The following PSG4 variants were observed in gnomAD, a reference collection of about 807,000 sequenced individuals.
PSG4 encodes the protein pregnancy specific beta-1-glycoprotein 4.
In PSG4, 61 loss-of-function variants were observed where a neutral mutation model predicts 44.3. The observed-to-expected ratio is 1.38, with a 90% CI of 1.12 to 1.70. The LOEUF is 1.70. Ranked by LOEUF, PSG4 falls within the 40% of genes most tolerant of loss-of-function variation. PSG4 has a pLI of 0.00. For synonymous variants in PSG4, 248 were observed against 191.3 expected (o/e 1.30, Z -2.45); for missense variants, 677 against 511.7 (o/e 1.32, Z -3.12).
rs1217769262 is a variant in PSG4 at position 43,204,237 on chromosome 19, A to T, written c.79T>A (p.Phe27Ile). The change falls in exon 2 of 6, where the codon TTC becomes ATC. Residue 27 changes from phenylalanine (F) to isoleucine (I), a missense_variant. Transcript: ENST00000405312. Reference sequence around the variant, plus strand: ...TGGGCAGTTGTGGGCGGATTCCAGAAGTTTAAAAGTGATGCTAGGAGGTAC... The same window carrying T: ...TGGGCAGTTGTGGGCGGATTCCAGATGTTTAAAAGTGATGCTAGGAGGTAC... Reference protein sequence around the residue: ...GVLLTASLLNFWNPPTTAQVT... With the variant: ...GVLLTASLLNIWNPPTTAQVT... 5 of 1,577,088 alleles carry T rather than the reference A, an allele frequency of 3.2e-6. No homozygotes were observed. The South Asian group carries it at 5.7e-5, about 18-fold the overall frequency.
Position 43,205,247 on chromosome 19 carries a change from A to C in PSG4, c.64+226T>G, listed in dbSNP as rs1379034427. Among the ~76,000 whole-genome samples, 28 of 141,704 alleles carry C rather than the reference A, an allele frequency of 2.0e-4. 4 individuals are homozygous for C. The highest frequency in any genetic ancestry group is 1.5e-4 in the Non-Finnish European group (10 of 66,442). The allele number at this position is 141,704 out of a possible 152,430, so 93.0% of individuals were successfully genotyped here. A position where few individuals can be genotyped will look rare whatever the true frequency, so the allele number is the denominator to read the frequency against. On this transcript the variant is annotated intron_variant, in intron 1 of 5. Transcript: ENST00000405312. ...CACAGCCTCCTGAGTAGCTATGATT[A>C]CAGGAGCACACCACTATACCTGGTT...
intron 5 of PSG4, 127 bp from the exon 6 acceptor site, chr19:43,193,515 T>C: frequency 1.4e-6 from 1 of 700,722 alleles, no homozygotes; most frequent in Non-Finnish European, 2.6e-6. Flanking sequence ...CCAATGATAA[T>C]TTCAGTAGAA....
intron 2 of PSG4, among the ~76,000 whole-genome samples, chr19:43,199,591 A>G (rs1967414208): frequency 6.9e-6 from 1 of 145,320 alleles, no homozygotes; most frequent in Non-Finnish European, 1.5e-5. Context: ...CAGTGGTCAG[A>G]AGGGTTGAGT....
At chr19:43,201,986 C>T (rs1356750456) in intron 2 of PSG4, among the ~76,000 whole-genome samples, 2 of 144,416 alleles carry the variant, frequency 1.4e-5, no homozygotes, top group Non-Finnish European at 3.0e-5. Flanking sequence ...TCTTAGTGAC[C>T]TGGGGACATT....
intron 3 of PSG4, among the ~76,000 whole-genome samples, chr19:43,196,108 G>A (rs924394160): frequency 2.6e-5 from 4 of 151,710 alleles, no homozygotes; most frequent in Non-Finnish European, 4.4e-5. Context: ...ACTGACTGGT[G>A]GAAAGTGTGG....
At chr19:43,194,932 T>C in intron 4 of PSG4, 63 bp downstream of exon 4, 2 of 1,591,844 alleles carry the variant, frequency 1.3e-6, no homozygotes, top group Non-Finnish European at 1.7e-6. Flanking sequence ...CTGAGAGACC[T>C]GGCCTCTGGT....
At chr19:43,198,379 G>A in intron 2 of PSG4, 104 bp from the exon 3 acceptor site, 3 of 1,475,672 alleles carry the variant, frequency 2.0e-6, no homozygotes, top group Non-Finnish European at 1.8e-6. Flanking sequence ...GCCCACCCAA[G>A]TCCTTAAAAG....
rs1967365519 is a variant in PSG4 at position 43,198,623 on chromosome 19, A to T, written c.431-348T>A. The stretch of plus-strand genomic sequence containing the variant: ...CTTGTGGTCCTCACTTGGAGCATGC[A>T]GTGCTGGAATCTTCTTAGTTTCAGT... On this transcript the variant is annotated intron_variant, in intron 2 of 5. Coordinates refer to ENST00000405312, the MANE Select transcript of PSG4 (RefSeq NM_002780.5). 1.1e-5 allele frequency: 3 copies of T among 264,584 alleles called. No individual in the cohort carries two copies. The South Asian group carries it at 2.2e-4, about 20-fold the overall frequency. The allele number at this position is 264,584 out of a possible 1,614,324, so 16.4% of individuals were successfully genotyped here.
At chr19:43,199,693 C>T (rs1187340342) in intron 2 of PSG4, among the ~76,000 whole-genome samples, 4 of 144,820 alleles carry the variant, frequency 2.8e-5, no homozygotes, top group Non-Finnish European at 4.5e-5. Flanking sequence ...GAATTTAGAC[C>T]TCATGTTGTG....
chr19:43,197,078 T>C (rs567778411), intron 3 of PSG4, among the ~76,000 whole-genome samples: 1 of 146,232 alleles, frequency 6.8e-6, no homozygotes, highest in South Asian at 2.1e-4. Context: ...CTCCAAAATA[T>C]TTTATTCCTT....
At chr19:43,199,021 TC>T (rs2122330052) in intron 2 of PSG4, 1 of 146,312 alleles carries the variant, frequency 6.8e-6, no homozygotes, top group Non-Finnish European at 1.5e-5. Flanking sequence ...GATGCTCGCT[TC>T]CCCCTGTAGA....
chr19:43,198,852 C>T (rs1311404122), intron 2 of PSG4: 1 of 149,390 alleles, frequency 6.7e-6, no homozygotes, highest in Admixed American at 6.4e-5. Flanking sequence ...AGTGGAGCCA[C>T]AAGGTGGCGC....
At chr19:43,196,625 C>G (rs1176875791) in intron 3 of PSG4, 1 of 151,268 alleles carries the variant, frequency 6.6e-6, no homozygotes, top group African/African-American at 2.4e-5. Context: ...GATATTCTTG[C>G]CCTTTTTTTT....
chr19:43,200,758 G>A lies in PSG4; in HGVS notation c.431-2483C>T, dbSNP rs369276060. 3.4e-5 allele frequency among the ~76,000 whole-genome samples: 5 copies of A among 145,298 alleles called. 1 individual carries two copies. The highest frequency in any genetic ancestry group is 1.3e-4 in the African/African-American group (5 of 37,842). ...GCCCGGCTAATTTTTTGTATTTTTAGTAGAGACGGGGTTTCACCATGTTAG... is the reference window on the plus strand; with the variant it reads ...GCCCGGCTAATTTTTTGTATTTTTAATAGAGACGGGGTTTCACCATGTTAG... On this transcript the variant is annotated intron_variant, in intron 2 of 5. Coordinates refer to ENST00000405312, the MANE Select transcript of PSG4 (RefSeq NM_002780.5).
intron 5 of PSG4, 54 bp downstream of exon 5, chr19:43,194,286 G>T: frequency 1.2e-6 from 2 of 1,611,096 alleles, no homozygotes; most frequent in South Asian, 1.1e-5. Context: ...TTCCCTGAAT[G>T]CCAGATAGAC....
chr19:43,204,092 A>G lies in PSG4; in HGVS notation c.224T>C (p.Leu75Pro). ...TACATATGATGTAATGTAATGGTAG[A>G]GGTATGTCATTTGCCCTTTGTACCA... Reference protein sequence around the residue: ...YIWYKGQMTYLYHYITSYVVD... With the variant: ...YIWYKGQMTYPYHYITSYVVD... Residue 75 changes from leucine (L) to proline (P), a missense_variant, in exon 2 of 6, where the codon CTC becomes CCC. By Grantham distance (98) the Leu-to-Pro change is moderately conservative. Transcript: ENST00000405312. 1 of 1,586,498 alleles carries G rather than the reference A, an allele frequency of 6.3e-7. No individual in the cohort carries two copies. The highest frequency in any genetic ancestry group is 8.5e-7 in the Non-Finnish European group (1 of 1,170,968).
chr19:43,196,435 T>C (rs1192282454), intron 3 of PSG4: 1 of 151,618 alleles, frequency 6.6e-6, no homozygotes, highest in Non-Finnish European at 1.5e-5. Flanking sequence ...TTGAGTATTA[T>C]GCATAAGACT....
At chr19:43,203,030 T>A (rs1967592331) in intron 2 of PSG4, 1 of 145,984 alleles carries the variant, frequency 6.9e-6, no homozygotes. Flanking sequence ...GCAAATGGAC[T>A]GTGGCTTTTC....
rs373538412 is a variant in PSG4 at position 43,198,320 on chromosome 19, A to G, written c.431-45T>C. The G allele has an allele frequency of 1.1e-5, 17 of 1,554,240 alleles. 2 individuals are homozygous for G. The highest frequency in any genetic ancestry group is 1.5e-5 in the Non-Finnish European group (17 of 1,155,936). Reference sequence around the variant, plus strand: ...AGGTTTGCCCTGTGTGGCATCTTTGATTCTTCCAAAGGCATTTTTCAATCA... The same window carrying G: ...AGGTTTGCCCTGTGTGGCATCTTTGGTTCTTCCAAAGGCATTTTTCAATCA... On this transcript the variant is annotated intron_variant, in intron 2 of 5. Transcript: ENST00000405312.
Sources: gnomAD v4.1 joint callset for allele counts (sites outside exome capture counted in the v4.1 genomes callset) on GRCh38, gnomAD v4.1.1 for gene constraint, MANE v1.5 for transcripts, NCBI Gene and HGNC (gene_info 2026-07-23, HGNC 2026-07-21) for gene names.